The following NSD2 variants were observed in gnomAD, a reference collection of about 807,000 sequenced individuals.
NSD2 encodes histone-lysine N-methyltransferase NSD2.
Under a neutral mutation model 139.0 loss-of-function variants are expected in NSD2, and 12 were observed. That is an observed-to-expected ratio of 0.09 (90% CI 0.06 to 0.14). The LOEUF (loss-of-function observed/expected upper bound fraction) is 0.14, where lower values mean the gene tolerates loss of function less well. Ranked by LOEUF, NSD2 falls within the 10% of genes least tolerant of loss-of-function variation. The probability of loss-of-function intolerance (pLI) is 1.00; values close to 1 mark genes in which losing one functional copy is unlikely to be tolerated. For missense variants in NSD2, 1,155 were observed against 1,745.0 expected, an observed-to-expected ratio of 0.66 and a Z score of 6.02; for synonymous variants, 669 against 648.7, an observed-to-expected ratio of 1.03 and a Z score of -0.48.
intron 18 of NSD2, among the ~76,000 whole-genome samples, chr4:1,967,689 G>T (rs1323938435): frequency 6.6e-6 from 1 of 152,168 alleles, no homozygotes; most frequent in Non-Finnish European, 1.5e-5. Context: ...CTTTCTCGCT[G>T]CAGGGAAAGC....
chr4:1,935,962 A>G (rs769370254), intron 7 of NSD2, among the ~76,000 whole-genome samples: 4 of 152,226 alleles, frequency 2.6e-5, no homozygotes, highest in Non-Finnish European at 4.4e-5. Context: ...CATTAGAGAT[A>G]TGTGTTACAT....
At position 1,926,173 on chromosome 4, in the gene NSD2, TA is replaced by T. The variant is rs1164910956; in HGVS notation, c.1411-4451del. Among the ~76,000 whole-genome samples, 3 of 147,078 alleles carry T rather than the reference TA, an allele frequency of 2.0e-5. No individual in the cohort carries two copies. In the South Asian group the frequency reaches 6.4e-4, roughly 31 times the overall value. On this transcript the variant is annotated intron_variant, in intron 5 of 21. Coordinates refer to ENST00000508803, the MANE Select transcript of NSD2 (RefSeq NM_001042424.3). ...GAATTTTTTTTTTTTTTTTTTTTTT[TA>T]AGACGTAGTCTCGCACTGTTGCCAG...
At chr4:1,888,603 G>T (rs1715294767) in intron 1 of NSD2, among the ~76,000 whole-genome samples, 1 of 151,716 alleles carries the variant, frequency 6.6e-6, no homozygotes, top group Admixed American at 6.6e-5. Flanking sequence ...GTCTCACTCT[G>T]TCACCCAGGC....
intron 1 of NSD2, among the ~76,000 whole-genome samples, chr4:1,873,480 C>G (rs982525526): frequency 3.3e-5 from 5 of 152,154 alleles, no homozygotes; most frequent in African/African-American, 1.2e-4. Flanking sequence ...TCAGCTTATC[C>G]AGGGCTTTCA....
intron 1 of NSD2, among the ~76,000 whole-genome samples, chr4:1,872,585 TGTGTGTGAGAGA>T (rs1235989671): frequency 5.7e-4 from 32 of 56,588 alleles, no homozygotes; most frequent in South Asian, 1.3e-3. Context: ...TGTGTGTGTG[TGTGTGTGAGAGA>T]GAGAGAGAGA....
intron 2 of NSD2, among the ~76,000 whole-genome samples, chr4:1,902,313 C>T (rs1262957002): frequency 6.6e-6 from 1 of 152,102 alleles, no homozygotes; most frequent in Non-Finnish European, 1.5e-5. Context: ...CAGCCTTGAC[C>T]TCCCAGGCTT....
intron 1 of NSD2, among the ~76,000 whole-genome samples, chr4:1,871,874 C>A (rs1350648008): frequency 1.6e-5 from 1 of 64,006 alleles, no homozygotes; most frequent in Non-Finnish European, 3.3e-5. Context: ...CTAACGGGGC[C>A]GGGCGGGCGG....
chr4:1,876,953 T>C (rs1443629096), intron 1 of NSD2, among the ~76,000 whole-genome samples: 1 of 151,926 alleles, frequency 6.6e-6, no homozygotes, highest in Non-Finnish European at 1.5e-5. Context: ...CTGGGAAATG[T>C]GGTGAAACCC....
chr4:1,925,778 T>TTTTTG (rs1720828512), intron 5 of NSD2, among the ~76,000 whole-genome samples: 25 of 151,164 alleles, frequency 1.7e-4, no homozygotes, highest in African/African-American at 5.9e-4. Context: ...ATATATTTTT[T>TTTTTG]TTTGTTTGTT....
chr4:1,934,909 A>ATAT (rs1491516751), intron 6 of NSD2, among the ~76,000 whole-genome samples: 2 of 117,478 alleles, frequency 1.7e-5, no homozygotes, highest in East Asian at 2.2e-4. Flanking sequence ...ATATATATAT[A>ATAT]AAAAACAGAT....
Position 1,955,655 on chromosome 4 carries a change from G to T in NSD2, c.2519-38G>T. On this transcript the variant is annotated intron_variant, in intron 13 of 21. Coordinates refer to ENST00000508803, the MANE Select transcript of NSD2 (RefSeq NM_001042424.3). This position sits in a 1 kb window ranked among gnomAD's most constrained non-coding sequence, Gnocchi z 4.7. Reference sequence around the variant, plus strand: ...ACTGAATCTGGGCTGAGCCATAGCAGACAGGCTAAGCCTGGCCGCCTCGCC... The same window carrying T: ...ACTGAATCTGGGCTGAGCCATAGCATACAGGCTAAGCCTGGCCGCCTCGCC... 6.3e-7 allele frequency: 1 copy of T among 1,583,046 alleles called. No individual in the cohort carries two copies.
rs1024133445 is a variant in NSD2 at position 1,978,607 on chromosome 4, C to G, written c.3827-31C>G. The stretch of plus-strand genomic sequence containing the variant: ...TGTTGAAGTCGTGATTCCATCACTT[C>G]TGTGTGCTCACATCTTGTGTTCTGT... On this transcript the variant is annotated intron_variant, in intron 21 of 21. Coordinates refer to ENST00000508803, the MANE Select transcript of NSD2 (RefSeq NM_001042424.3). 8.2e-6 allele frequency: 13 copies of G among 1,577,418 alleles called. No individual in the cohort carries two copies. The African/African-American group carries it at 9.4e-5, about 11-fold the overall frequency.
At chr4:1,959,282 G>A (rs1725137485) in intron 16 of NSD2, among the ~76,000 whole-genome samples, 189 bp from the exon 17 acceptor site, 1 of 152,132 alleles carries the variant, frequency 6.6e-6, no homozygotes, top group Admixed American at 6.5e-5. Context: ...TGCCTCTTGT[G>A]CTAAGAAGGC....
intron 1 of NSD2, among the ~76,000 whole-genome samples, chr4:1,872,681 C>T (rs981846917): frequency 1.4e-5 from 2 of 144,904 alleles, no homozygotes; most frequent in Non-Finnish European, 3.0e-5. Context: ...AAAGTTCAGG[C>T]CTGGCTCAGG....
Position 1,956,196 on chromosome 4 carries a change from G to A in NSD2, c.2881+8G>A, listed in dbSNP as rs904794035. 2.5e-6 allele frequency: 4 copies of A among 1,587,860 alleles called. No individual in the cohort carries two copies. The African/African-American group carries it at 5.4e-5, about 21-fold the overall frequency. ...GAAGAGTCTTCAAAAACGGTACGGA[G>A]ATATTCAGATAGAGAGTGAGACAGC... On this transcript the variant is annotated splice_region_variant and intron_variant, in intron 15 of 21. Coordinates refer to ENST00000508803, the MANE Select transcript of NSD2 (RefSeq NM_001042424.3). This position sits in a 1 kb window ranked among gnomAD's most constrained non-coding sequence, Gnocchi z 5.3.
At chr4:1,885,388 A>G (rs565900267) in intron 1 of NSD2, among the ~76,000 whole-genome samples, 32 of 152,348 alleles carry the variant, frequency 2.1e-4, no homozygotes, top group African/African-American at 7.5e-4. Flanking sequence ...TTCAGAAAAA[A>G]TAACAACAGA....
intron 5 of NSD2, among the ~76,000 whole-genome samples, chr4:1,926,189 A>C (rs1336367098): frequency 1.7e-5 from 2 of 119,148 alleles, no homozygotes; most frequent in Admixed American, 9.7e-5. Flanking sequence ...GTAGTCTCGC[A>C]CTGTTGCCAG....
chr4:1,918,109 G>A (rs377028651), intron 4 of NSD2, 32 bp from the exon 5 acceptor site: 3 of 1,590,244 alleles, frequency 1.9e-6, no homozygotes, highest in African/African-American at 1.4e-5. Flanking sequence ...TTTGTGTAGT[G>A]AAACTTACAG....
intron 3 of NSD2, among the ~76,000 whole-genome samples, chr4:1,905,118 G>A (rs1471992409): frequency 1.3e-5 from 2 of 151,542 alleles, no homozygotes; most frequent in East Asian, 1.9e-4. Flanking sequence ...CAACAACAGC[G>A]AAACTCTGTC....
Sources: gnomAD v4.1 joint callset for allele counts (sites outside exome capture counted in the v4.1 genomes callset) on GRCh38, gnomAD v4.1.1 for gene constraint, Gnocchi (gnomAD v3.1) non-coding constraint, MANE v1.5 for transcripts, NCBI Gene and HGNC (gene_info 2026-07-23, HGNC 2026-07-21) for gene names.